RP9: variants seen among roughly 807,000 people sequenced by gnomAD.
RP9 encodes the protein RP9 pre-mRNA splicing factor, also known as retinitis pigmentosa 9 protein.
In RP9, 23 loss-of-function variants were observed where a neutral mutation model predicts 32.6. The ratio of observed to expected loss-of-function variants is 0.71; its 90% CI spans 0.51 to 1.00. The LOEUF is 1.00. RP9 is among the 50% of genes least tolerant of loss of function. RP9 has a pLI of 0.00. For synonymous variants in RP9, 94 were observed against 103.6 expected (o/e 0.91, Z 0.56); for missense variants, 245 against 285.3 (o/e 0.86, Z 1.02).
chr7:33,102,846 CAG>C (rs1452076547), intron 1 of RP9, among the ~76,000 whole-genome samples: 13 of 152,190 alleles, frequency 8.5e-5, no homozygotes, highest in Non-Finnish European at 1.8e-4. Flanking sequence ...TATTAAGTGA[CAG>C]AGAGTGTTGG....
At position 33,097,342 on chromosome 7, in the gene RP9, C is replaced by G. The variant is rs767294005; in HGVS notation, c.334G>C (p.Gly112Arg). The change falls in exon 4 of 6, where the codon GGT (glycine) becomes CGT (arginine). Residue 112 changes from glycine to arginine, a missense_variant. This residue lies in a region of RP9 where 182 missense variants were observed against 175.5 expected (regional missense o/e 1.04). Coordinates refer to ENST00000297157, the MANE Select transcript of RP9 (RefSeq NM_203288.2). Reference sequence around the variant, plus strand: ...CATTCTTTGTCACCCGTTCGGTGACCATAGCGTTTGCAACGCCAACCTAAA... The same window carrying G: ...CATTCTTTGTCACCCGTTCGGTGACGATAGCGTTTGCAACGCCAACCTAAA... The part of the protein sequence containing the change: ...VMQCWRCKRY[G>R]HRTGDKECPF... 6.2e-7 allele frequency: 1 copy of G among 1,613,660 alleles called. No individual in the cohort carries two copies. The highest frequency in any genetic ancestry group is 8.5e-7 in the Non-Finnish European group (1 of 1,179,630).
Position 33,109,155 on chromosome 7 carries a change from C to G in RP9, c.152+66G>C. On this transcript the variant is annotated intron_variant, in intron 1 of 5. Coordinates refer to ENST00000297157, the MANE Select transcript of RP9 (RefSeq NM_203288.2). This position sits in a 1 kb window ranked among gnomAD's most constrained non-coding sequence, Gnocchi z 4.9. ...GGACCCGGCCTAGCGCCCACCGCGG[C>G]GTCCCGCGCCCCGGGCCCCTGGCTT... is the stretch of plus-strand genomic sequence containing the variant. 4 of 1,458,444 alleles carry G rather than the reference C, an allele frequency of 2.7e-6. No individual in the cohort carries two copies. Among genetic ancestry groups the G allele is most frequent in the Non-Finnish European group, 3.6e-6 (4 of 1,105,946 alleles). 90.3% of individuals were successfully genotyped at this position (1,458,444 alleles called of 1,614,324 possible).
At position 33,109,090 on chromosome 7, in the gene RP9, T is replaced by A; in HGVS notation, c.152+131A>T. On this transcript the variant is annotated intron_variant, in intron 1 of 5. Transcript: ENST00000297157. This position sits in a 1 kb window ranked among gnomAD's most constrained non-coding sequence, Gnocchi z 4.9. ...ACATCGGTCGCCCGCACCAGGCTCC[T>A]GCCGGGCCCAGCCCCCCTGCCTGCT... 2 of 1,307,370 alleles carry A rather than the reference T, an allele frequency of 1.5e-6. No individual in the cohort carries two copies. Among genetic ancestry groups the A allele is most frequent in the Non-Finnish European group, 1.9e-6 (2 of 1,025,824 alleles). The allele number at this position is 1,307,370 out of a possible 1,614,324, so 81.0% of individuals were successfully genotyped here.
chr7:33,105,820 A>T (rs1788490935), intron 1 of RP9, among the ~76,000 whole-genome samples: 1 of 152,230 alleles, frequency 6.6e-6, no homozygotes, highest in African/African-American at 2.4e-5. Flanking sequence ...AACTAAGCAT[A>T]AAAATAGTTT....
At chr7:33,106,992 A>G (rs1362694137) in intron 1 of RP9, among the ~76,000 whole-genome samples, 1 of 152,104 alleles carries the variant, frequency 6.6e-6, no homozygotes, top group South Asian at 2.1e-4. Context: ...AGTAAAACCT[A>G]AAAGTTTACA....
intron 1 of RP9, among the ~76,000 whole-genome samples, chr7:33,103,180 T>A (rs1456768218): frequency 2.6e-5 from 4 of 152,158 alleles, no homozygotes; most frequent in African/African-American, 9.7e-5. Flanking sequence ...GTGGAAGAAG[T>A]AACACTTTTC....
Position 33,097,317 on chromosome 7 carries a change from C to A in RP9, c.359G>T (p.Cys120Phe), listed in dbSNP as rs575309519. Reference protein sequence around the residue: ...RYGHRTGDKECPFFIKGNQKL... With the variant: ...RYGHRTGDKEFPFFIKGNQKL... ...TTGGTTGCCTTTGATAAAGAAAGGG[C>A]ATTCTTTGTCACCCGTTCGGTGACC... Residue 120 changes from cysteine to phenylalanine, a missense_variant, in exon 4 of 6, where the codon TGC (cysteine) becomes TTC (phenylalanine). Physicochemically the swap from Cys to Phe is radical, Grantham distance 205. Around this residue, in one of 2 missense-constraint regions of RP9, gnomAD observed 182 missense variants for 175.5 expected, o/e 1.04. Coordinates refer to ENST00000297157, the MANE Select transcript of RP9 (RefSeq NM_203288.2). The A allele has an allele frequency of 6.2e-7, 1 of 1,614,028 alleles. No individual in the cohort carries two copies. Among genetic ancestry groups the A allele is most frequent in the African/African-American group, 1.3e-5 (1 of 75,042 alleles).
intron 1 of RP9, among the ~76,000 whole-genome samples, chr7:33,107,446 G>T (rs972816669): frequency 6.6e-6 from 1 of 152,186 alleles, no homozygotes; most frequent in Admixed American, 6.5e-5. Context: ...ATATATTGAG[G>T]GCTGGGCAGG....
In RP9 at chr7:33,098,880, A is replaced by G. The variant is rs146902677; in HGVS notation, c.313+427T>C. 2.3e-3 allele frequency among the ~76,000 whole-genome samples: 343 copies of G among 152,328 alleles called. 2 individuals carry two copies. The highest frequency in any genetic ancestry group is 7.8e-3 in the African/African-American group (325 of 41,580). Reference sequence around the variant, plus strand: ...TGTTACACCATAAGGAGAGAATATGATAATAAAGAAGACTCAAGACACAGG... The same window carrying G: ...TGTTACACCATAAGGAGAGAATATGGTAATAAAGAAGACTCAAGACACAGG... On this transcript the variant is annotated intron_variant, in intron 3 of 5. Coordinates refer to ENST00000297157, the MANE Select transcript of RP9 (RefSeq NM_203288.2).
At position 33,109,254 on chromosome 7, in the gene RP9, T is replaced by C; in HGVS notation, c.119A>G (p.Gln40Arg). ...REQKRRRHDA[Q>R]QLQQLKHLES... ...CAGGTGCTTGAGCTGCTGCAGCTGC[T>C]GCGCGTCGTGTCGCCGCCGCTTCTG... Residue 40 changes from glutamine to arginine, a missense_variant, in exon 1 of 6, where the codon CAG becomes CGG. Gln to Arg is a conservative substitution (Grantham distance 43). Around this residue, in one of 2 missense-constraint regions of RP9, gnomAD observed 182 missense variants for 175.5 expected, o/e 1.04. Transcript: ENST00000297157. This position sits in a 1 kb window ranked among gnomAD's most constrained non-coding sequence, Gnocchi z 4.9. 2 of 1,493,752 alleles carry C rather than the reference T, an allele frequency of 1.3e-6. No individual in the cohort carries two copies. The highest frequency in any genetic ancestry group is 5.7e-5 in the East Asian group (2 of 35,200). 92.5% of individuals were successfully genotyped at this position (1,493,752 alleles called of 1,614,324 possible).
Position 33,099,502 on chromosome 7 carries a change from A to G in RP9, c.184-66T>C, listed in dbSNP as rs532407783. On this transcript the variant is annotated intron_variant, in intron 2 of 5. Transcript: ENST00000297157. Reference sequence around the variant, plus strand: ...TGGGATTCTCTCCTGCTCCCCTTGGAGCCACCCTTGCCTGGCTTTTTCCTG... The same window carrying G: ...TGGGATTCTCTCCTGCTCCCCTTGGGGCCACCCTTGCCTGGCTTTTTCCTG... The G allele has an allele frequency of 1.1e-5, 17 of 1,599,304 alleles. No homozygotes were observed. In the African/African-American group the frequency reaches 1.9e-4, roughly 18 times the overall value.
intron 1 of RP9, 72 bp from the exon 2 acceptor site, chr7:33,100,633 G>C: frequency 1.6e-6 from 2 of 1,216,800 alleles, no homozygotes. Flanking sequence ...CTGCAAAAAA[G>C]GGGCTATAGG....
chr7:33,104,351 G>T (rs117265765), intron 1 of RP9, among the ~76,000 whole-genome samples: 1 of 151,918 alleles, frequency 6.6e-6, no homozygotes, highest in Non-Finnish European at 1.5e-5. Context: ...AATAACTCTT[G>T]GGTACTAGGC....
Position 33,097,301 on chromosome 7 carries a change from T to C in RP9, c.375A>G (p.Lys125=). The change falls in exon 4 of 6, where the codon AAA becomes AAG. Residue 125 remains lysine (K), a synonymous_variant. Coordinates refer to ENST00000297157, the MANE Select transcript of RP9 (RefSeq NM_203288.2). ...TGDKECPFFI[K]GNQKLEQFRV... ...TGAACTGCTCTAACTTTTGGTTGCC[T>C]TTGATAAAGAAAGGGCATTCTTTGT... is the stretch of plus-strand genomic sequence containing the variant. 2 of 1,613,952 alleles carry C rather than the reference T, an allele frequency of 1.2e-6. No individual in the cohort carries two copies.
chr7:33,108,750 T>G (rs117524643), intron 1 of RP9, among the ~76,000 whole-genome samples: 197 of 152,342 alleles, frequency 1.3e-3, no homozygotes, highest in Non-Finnish European at 2.3e-3. Context: ...CCCTTCTTTG[T>G]CTCCCACTTT....
chr7:33,094,981 T>C lies in RP9; in HGVS notation c.*253A>G, dbSNP rs1788307278. On this transcript the variant is annotated 3_prime_UTR_variant, in exon 6 of 6. Coordinates refer to ENST00000297157, the MANE Select transcript of RP9 (RefSeq NM_203288.2). Reference sequence around the variant, plus strand: ...ACACTTCAAAGGAATCGTAAACTCATGTGACCAGCAGGGAGGACAACGATG... The same window carrying C: ...ACACTTCAAAGGAATCGTAAACTCACGTGACCAGCAGGGAGGACAACGATG... 3.8e-6 allele frequency: 2 copies of C among 531,996 alleles called. No individual in the cohort carries two copies. Among genetic ancestry groups the C allele is most frequent in the Admixed American group, 3.2e-5 (1 of 30,858 alleles). The allele number at this position is 531,996 out of a possible 1,614,324, so 33.0% of individuals were successfully genotyped here.
chr7:33,099,836 C>T (rs568241376), intron 2 of RP9, among the ~76,000 whole-genome samples: 11 of 152,104 alleles, frequency 7.2e-5, no homozygotes, highest in Non-Finnish European at 1.3e-4. Context: ...TTATTATACC[C>T]TGAAGGCCCT....
Position 33,095,345 on chromosome 7 carries a change from G to A in RP9, c.555C>T (p.His185=), listed in dbSNP as rs1440795786. 1.6e-5 allele frequency: 26 copies of A among 1,610,616 alleles called. No homozygotes were observed. The highest frequency in any genetic ancestry group is 2.2e-5 in the Non-Finnish European group (26 of 1,178,996). The change falls in exon 6 of 6, where the codon CAC becomes CAT. Residue 185 remains histidine, a synonymous_variant. Coordinates refer to ENST00000297157, the MANE Select transcript of RP9 (RefSeq NM_203288.2). ...SSSSSEGKEK[H]KKKKKKEKHK... Reference sequence around the variant, plus strand: ...GCTTTTCTTTCTTCTTCTTTTTCTTGTGTTTCTCTTTACCTTCAGAGGAAC... The same window carrying A: ...GCTTTTCTTTCTTCTTCTTTTTCTTATGTTTCTCTTTACCTTCAGAGGAAC...
In RP9 at chr7:33,109,094, G is replaced by A. The variant is rs905030952; in HGVS notation, c.152+127C>T. On this transcript the variant is annotated intron_variant, in intron 1 of 5. Coordinates refer to ENST00000297157, the MANE Select transcript of RP9 (RefSeq NM_203288.2). The surrounding 1 kb of genome is among the most constrained non-coding windows in gnomAD (Gnocchi z 4.9). The stretch of plus-strand genomic sequence containing the variant: ...CGGTCGCCCGCACCAGGCTCCTGCC[G>A]GGCCCAGCCCCCCTGCCTGCTCGCG... The A allele has an allele frequency of 7.6e-6, 10 of 1,318,702 alleles. No individual in the cohort carries two copies. Among genetic ancestry groups the A allele is most frequent in the African/African-American group, 1.6e-5 (1 of 63,530 alleles). 81.7% of individuals were successfully genotyped at this position (1,318,702 alleles called of 1,614,324 possible).
Sources: allele counts gnomAD v4.1 joint callset (sites outside exome capture counted in the v4.1 genomes callset), GRCh38; gene constraint gnomAD v4.1.1; regional missense constraint gnomAD v4.1.1; non-coding constraint Gnocchi (gnomAD v3.1); transcripts MANE v1.5; gene names NCBI Gene and HGNC (gene_info 2026-07-23, HGNC 2026-07-21).